Variants in CAMKMT observed in about 807,000 individuals in gnomAD.
CAMKMT encodes calmodulin-lysine N-methyltransferase.
Under a neutral mutation model 48.0 loss-of-function variants are expected in CAMKMT, and 53 were observed. The observed-to-expected ratio is 1.10, with a 90% CI of 0.89 to 1.39. The LOEUF is 1.39. CAMKMT is among the 40% of genes most tolerant of loss of function. The pLI, the probability that CAMKMT is intolerant of heterozygous loss-of-function variation, is 0.00. For synonymous variants in CAMKMT, 165 were observed against 152.3 expected (o/e 1.08, Z -0.61); for missense variants, 428 against 402.7 (o/e 1.06, Z -0.54).
intron 3 of CAMKMT, among the ~76,000 whole-genome samples, chr2:44,605,342 C>T (rs1671224913): frequency 6.6e-6 from 1 of 152,134 alleles, no homozygotes; most frequent in African/African-American, 2.4e-5. Context: ...CCTTTACAAA[C>T]TGTAGCACAT....
intron 8 of CAMKMT, among the ~76,000 whole-genome samples, chr2:44,748,872 G>T (rs1478294204): frequency 6.6e-6 from 1 of 152,128 alleles, no homozygotes; most frequent in Non-Finnish European, 1.5e-5. Flanking sequence ...AAAATAGAGA[G>T]TCCTGAAGAG....
chr2:44,546,518 A>G (rs1667420006), intron 3 of CAMKMT, among the ~76,000 whole-genome samples: 1 of 152,306 alleles, frequency 6.6e-6, no homozygotes, highest in African/African-American at 2.4e-5. Context: ...TGCTAATGCT[A>G]TTCCTGATGA....
intron 3 of CAMKMT, among the ~76,000 whole-genome samples, chr2:44,620,843 T>G (rs1268263020): frequency 6.6e-6 from 1 of 152,240 alleles, no homozygotes; most frequent in Non-Finnish European, 1.5e-5. Context: ...TTCTTAGCTA[T>G]GTGTCATTGG....
At chr2:44,750,752 G>T (rs537365282) in intron 8 of CAMKMT, among the ~76,000 whole-genome samples, 1 of 152,276 alleles carries the variant, frequency 6.6e-6, no homozygotes, top group South Asian at 2.1e-4. Context: ...GGTGGCTCAC[G>T]CCTATAATCC....
intron 3 of CAMKMT, among the ~76,000 whole-genome samples, chr2:44,501,394 G>A (rs1490424324): frequency 6.6e-6 from 1 of 152,100 alleles, no homozygotes; most frequent in East Asian, 1.9e-4. Flanking sequence ...AGAATATAAA[G>A]GAACAATGGA....
At chr2:44,545,339 C>T (rs1396549877) in intron 3 of CAMKMT, among the ~76,000 whole-genome samples, 2 of 152,128 alleles carry the variant, frequency 1.3e-5, no homozygotes, top group Non-Finnish European at 2.9e-5. Context: ...CTTAGTAAAC[C>T]TTTACAGTCC....
intron 3 of CAMKMT, among the ~76,000 whole-genome samples, chr2:44,541,162 A>T (rs868374644): frequency 3.3e-5 from 5 of 152,330 alleles, no homozygotes; most frequent in Non-Finnish European, 7.3e-5. Context: ...GGTTTTCATT[A>T]TCAGTATTTT....
intron 8 of CAMKMT, among the ~76,000 whole-genome samples, chr2:44,747,745 C>G (rs1429780748): frequency 6.6e-6 from 1 of 152,208 alleles, no homozygotes; most frequent in Non-Finnish European, 1.5e-5. Context: ...GCTCTGCAGT[C>G]TGCATGAAAC....
chr2:44,530,776 T>A, intron 3 of CAMKMT, among the ~76,000 whole-genome samples: 1 of 152,106 alleles, frequency 6.6e-6, no homozygotes, highest in East Asian at 1.9e-4. Flanking sequence ...TTTAAGAAAT[T>A]ATTAACGTTC....
chr2:44,581,722 C>G (rs1199880146), intron 3 of CAMKMT, among the ~76,000 whole-genome samples: 1 of 152,168 alleles, frequency 6.6e-6, no homozygotes, highest in African/African-American at 2.4e-5. Flanking sequence ...TGGTTTTTGC[C>G]GGGCGTGGTG....
chr2:44,432,898 G>A (rs781379970), intron 3 of CAMKMT, among the ~76,000 whole-genome samples: 13 of 151,502 alleles, frequency 8.6e-5, no homozygotes, highest in Non-Finnish European at 1.5e-4. Context: ...TTAATTTTCC[G>A]TGGCTATTGT....
chr2:44,711,875 C>T (rs1677897733), intron 6 of CAMKMT, among the ~76,000 whole-genome samples: 1 of 152,122 alleles, frequency 6.6e-6, no homozygotes, highest in Non-Finnish European at 1.5e-5. Flanking sequence ...GGACACGCAG[C>T]CCCCAAATAT....
intron 3 of CAMKMT, among the ~76,000 whole-genome samples, chr2:44,494,144 T>A (rs989639965): frequency 6.6e-6 from 1 of 152,258 alleles, no homozygotes; most frequent in Non-Finnish European, 1.5e-5. Context: ...TTGAGTTATT[T>A]TTCTGTCACT....
intron 3 of CAMKMT, among the ~76,000 whole-genome samples, chr2:44,483,841 A>G (rs1669089100): frequency 6.6e-6 from 1 of 152,270 alleles, no homozygotes; most frequent in Middle Eastern, 3.4e-3. Context: ...GAGTGATAGG[A>G]GTGGAGCTTC....
intron 7 of CAMKMT, among the ~76,000 whole-genome samples, chr2:44,728,839 CTT>C (rs70937931): frequency 1.1e-3 from 63 of 58,276 alleles, no homozygotes; most frequent in Admixed American, 2.2e-3. Flanking sequence ...GGGGTCTATC[CTT>C]TTTTTTTTTT....
chr2:44,674,127 G>C (rs151051202), intron 3 of CAMKMT, among the ~76,000 whole-genome samples: 27 of 152,270 alleles, frequency 1.8e-4, no homozygotes, highest in African/African-American at 6.3e-4. Context: ...TAAATTTGAC[G>C]TTCCTGTCCT....
At chr2:44,616,301 A>C in intron 3 of CAMKMT, among the ~76,000 whole-genome samples, 1 of 152,216 alleles carries the variant, frequency 6.6e-6, no homozygotes, top group Admixed American at 6.5e-5. Flanking sequence ...TTTTACAAAC[A>C]CATCCTAAGA....
intron 8 of CAMKMT, among the ~76,000 whole-genome samples, chr2:44,753,743 A>C (rs1017723002): frequency 1.3e-5 from 2 of 152,208 alleles, no homozygotes; most frequent in Non-Finnish European, 2.9e-5. Context: ...AAGTTGCCAG[A>C]GTGCTTCATC....
chr2:44,756,359 A>G (rs141004150), intron 9 of CAMKMT, among the ~76,000 whole-genome samples: 8 of 152,286 alleles, frequency 5.3e-5, no homozygotes, highest in African/African-American at 1.7e-4. Context: ...GTTTTATTTC[A>G]TTACAATTAG....
Sources: allele counts gnomAD v4.1 joint callset (sites outside exome capture counted in the v4.1 genomes callset), GRCh38; gene constraint gnomAD v4.1.1; transcripts MANE v1.5; gene names NCBI Gene and HGNC (gene_info 2026-07-23, HGNC 2026-07-21).